Variants in CSMD1 observed in about 807,000 individuals in gnomAD.
CSMD1 encodes the protein CUB and sushi domain-containing protein 1.
Under a neutral mutation model 417.5 loss-of-function variants are expected in CSMD1, and 213 were observed. The observed-to-expected ratio is 0.51, with a 90% CI of 0.46 to 0.57. The LOEUF (loss-of-function observed/expected upper bound fraction) is 0.57, where lower values mean the gene tolerates loss of function less well. Ranked by LOEUF, CSMD1 falls within the 20% of genes least tolerant of loss-of-function variation. The pLI, the probability that CSMD1 is intolerant of heterozygous loss-of-function variation, is 0.00. For synonymous variants in CSMD1, 2,862 were observed against 1,736.8 expected, an observed-to-expected ratio of 1.65 and a Z score of -16.11; for missense variants, 6,923 against 4,529.7, an observed-to-expected ratio of 1.53 and a Z score of -15.17.
intron 1 of CSMD1, among the ~76,000 whole-genome samples, chr8:4,868,289 A>G (rs1802534782): frequency 6.6e-6 from 1 of 152,092 alleles, no homozygotes; most frequent in Non-Finnish European, 1.5e-5. Flanking sequence ...GCTGGAGAGC[A>G]GTGGCGCGAT....
intron 37 of CSMD1, among the ~76,000 whole-genome samples, chr8:3,170,622 A>C (rs1820528503): frequency 6.6e-6 from 1 of 152,210 alleles, no homozygotes; most frequent in Admixed American, 6.5e-5. Context: ...ATGAGCTCCT[A>C]AAGATTGATC....
At chr8:4,148,154 A>G (rs181066694) in intron 3 of CSMD1, among the ~76,000 whole-genome samples, 373 of 152,284 alleles carry the variant, frequency 2.4e-3, no homozygotes, top group African/African-American at 8.0e-3. Context: ...CTTAGAGTCA[A>G]TAACAGCTCC....
At chr8:3,865,498 G>T (rs946241201) in intron 5 of CSMD1, among the ~76,000 whole-genome samples, 1 of 151,972 alleles carries the variant, frequency 6.6e-6, no homozygotes, top group Non-Finnish European at 1.5e-5. Flanking sequence ...ATCAGAAAAG[G>T]GTGACAATAG....
chr8:3,218,031 A>G (rs1367710975), intron 29 of CSMD1, among the ~76,000 whole-genome samples: 9 of 152,206 alleles, frequency 5.9e-5, no homozygotes, highest in African/African-American at 2.2e-4. Context: ...GAAAAAACAT[A>G]TATTTATTCT....
intron 69 of CSMD1, among the ~76,000 whole-genome samples, chr8:2,939,570 G>A (rs598985): frequency 0.8 from 122,383 of 152,178 alleles, 49,343 homozygotes; most frequent in East Asian, 0.9. Context: ...AAGAAATCAG[G>A]TAAGAAAAAT....
intron 4 of CSMD1, among the ~76,000 whole-genome samples, chr8:4,026,011 T>A (rs200854651): frequency 1.8e-4 from 26 of 143,154 alleles, no homozygotes; most frequent in South Asian, 4.4e-4. Flanking sequence ...AGGAACTCTA[T>A]AAAAAAAAAA....
chr8:4,935,269 C>T (rs998239476), intron 1 of CSMD1, among the ~76,000 whole-genome samples: 1 of 152,164 alleles, frequency 6.6e-6, no homozygotes, highest in African/African-American at 2.4e-5. Flanking sequence ...GTTAGATATC[C>T]TCAACCTGAA....
At chr8:4,097,850 A>G (rs907876799) in intron 3 of CSMD1, among the ~76,000 whole-genome samples, 4 of 152,214 alleles carry the variant, frequency 2.6e-5, no homozygotes, top group Non-Finnish European at 4.4e-5. Context: ...ACAACGTTCT[A>G]TTACACTACT....
At chr8:4,868,894 G>C (rs1802572870) in intron 1 of CSMD1, among the ~76,000 whole-genome samples, 1 of 151,820 alleles carries the variant, frequency 6.6e-6, no homozygotes, top group South Asian at 2.1e-4. Context: ...AGTAATATTT[G>C]CACGTTTTCT....
At chr8:3,651,512 C>T (rs551516186) in intron 7 of CSMD1, among the ~76,000 whole-genome samples, 7 of 152,230 alleles carry the variant, frequency 4.6e-5, no homozygotes, top group South Asian at 2.1e-4. Context: ...TAGCTGGCCT[C>T]GGTTTCTCCA....
At chr8:4,583,925 A>C (rs1799572881) in intron 2 of CSMD1, among the ~76,000 whole-genome samples, 1 of 152,024 alleles carries the variant, frequency 6.6e-6, no homozygotes, top group African/African-American at 2.4e-5. Context: ...TGCTTTTATG[A>C]GCTGTAACAC....
At chr8:3,216,710 G>C (rs929387576) in intron 29 of CSMD1, among the ~76,000 whole-genome samples, 29 of 152,218 alleles carry the variant, frequency 1.9e-4, no homozygotes, top group African/African-American at 6.8e-4. Flanking sequence ...CTTCATAACA[G>C]GGTGTATTTT....
intron 25 of CSMD1, among the ~76,000 whole-genome samples, chr8:3,288,384 C>T (rs913863174): frequency 3.4e-5 from 5 of 147,202 alleles, no homozygotes; most frequent in East Asian, 2.0e-4. Flanking sequence ...GTACCAGCTC[C>T]TCCTTGTACC....
intron 1 of CSMD1, among the ~76,000 whole-genome samples, chr8:4,887,146 G>T (rs1803802912): frequency 6.6e-6 from 1 of 151,930 alleles, no homozygotes; most frequent in Non-Finnish European, 1.5e-5. Flanking sequence ...AGTTTTACCT[G>T]CATTCCATAA....
At chr8:3,920,959 G>A (rs1449413159) in intron 5 of CSMD1, among the ~76,000 whole-genome samples, 1 of 152,106 alleles carries the variant, frequency 6.6e-6, no homozygotes, top group East Asian at 1.9e-4. Context: ...ATCTAGATAT[G>A]ACATGAGGGT....
chr8:3,893,659 A>T (rs571783161), intron 5 of CSMD1, among the ~76,000 whole-genome samples: 9 of 152,028 alleles, frequency 5.9e-5, no homozygotes, highest in African/African-American at 2.2e-4. Context: ...AGAGGTAGTC[A>T]AGGAAATGGG....
intron 3 of CSMD1, among the ~76,000 whole-genome samples, chr8:4,237,068 A>C (rs1454509525): frequency 6.6e-6 from 1 of 152,138 alleles, no homozygotes; most frequent in Non-Finnish European, 1.5e-5. Context: ...CCTCCTTATG[A>C]TTACGCCTAC....
At chr8:4,712,498 C>T (rs749663225) in intron 1 of CSMD1, among the ~76,000 whole-genome samples, 2 of 152,136 alleles carry the variant, frequency 1.3e-5, no homozygotes, top group Non-Finnish European at 2.9e-5. Flanking sequence ...TAATTGCTTG[C>T]AGGAAAATTT....
At chr8:4,271,944 G>A (rs1804625288) in intron 3 of CSMD1, among the ~76,000 whole-genome samples, 1 of 152,136 alleles carries the variant, frequency 6.6e-6, no homozygotes, top group Non-Finnish European at 1.5e-5. Flanking sequence ...CTGCCCTACA[G>A]ATCTCATGTA....
Sources: gnomAD v4.1 joint callset for allele counts (sites outside exome capture counted in the v4.1 genomes callset) on GRCh38, gnomAD v4.1.1 for gene constraint, MANE v1.5 for transcripts, NCBI Gene and HGNC (gene_info 2026-07-23, HGNC 2026-07-21) for gene names.